The following ZNF292 variants were observed in gnomAD, a reference collection of about 807,000 sequenced individuals.
ZNF292 encodes the protein zinc finger protein 292.
A neutral mutation model predicts 217.9 loss-of-function variants in ZNF292; 26 were observed. The observed-to-expected ratio is 0.12, with a 90% CI of 0.09 to 0.17. The LOEUF is 0.17. Among genes scored for constraint, ZNF292 ranks in the 10% least tolerant of loss-of-function variants. ZNF292 has a pLI of 1.00. For synonymous variants in ZNF292, 1,257 were observed against 1,124.1 expected (o/e 1.12, Z -2.37); for missense variants, 2,904 against 3,175.2 (o/e 0.91, Z 2.05).
rs1262811467 is a variant in ZNF292, at chr6:87,261,509, C to T, written c.7880C>T (p.Ser2627Leu). 1.9e-6 allele frequency: 3 copies of T among 1,606,406 alleles called. No individual in the cohort carries two copies. The highest frequency in any genetic ancestry group is 2.2e-5 in the East Asian group (1 of 44,670). Residue 2627 changes from serine to leucine, a missense_variant, in exon 8 of 8, where the codon TCA (serine) becomes TTA (leucine). Coordinates refer to ENST00000369577, the MANE Select transcript of ZNF292 (RefSeq NM_015021.3). ...AACAAAAAAGGATCCCATTCAAATT[C>T]AAGAAAAAATATTGATAAGACTGCT... ...TGNKKGSHSN[S>L]RKNIDKTAVT...
Position 87,258,357 on chromosome 6 carries a change from A to G in ZNF292, c.4728A>G (p.Leu1576=). The change falls in exon 8 of 8, where the codon CTA becomes CTG. Residue 1576 remains leucine, a synonymous_variant. Transcript: ENST00000369577. ...CTGTTTTTCCAACGAATGACTTACT[A>G]CTGAAGACTGTTGAAAATGGTTTGT... The part of the protein sequence containing the change: ...SLPVFPTNDL[L]LKTVENGLCS... The G allele has an allele frequency of 1.2e-6, 2 of 1,613,652 alleles. No individual in the cohort carries two copies. The highest frequency in any genetic ancestry group is 2.2e-5 in the South Asian group (2 of 91,054).
chr6:87,163,729 G>A (rs1006875394), intron 1 of ZNF292, among the ~76,000 whole-genome samples: 1 of 152,122 alleles, frequency 6.6e-6, no homozygotes. Flanking sequence ...GAGCAGGAAA[G>A]GAAAACAGTA....
chr6:87,205,858 C>T (rs1772236902), intron 1 of ZNF292, among the ~76,000 whole-genome samples: 2 of 152,122 alleles, frequency 1.3e-5, no homozygotes, highest in African/African-American at 4.8e-5. Flanking sequence ...TGAGTTTATC[C>T]TGTTCTTTGT....
At chr6:87,243,447 G>A (rs760482303) in intron 5 of ZNF292, 28 bp from the exon 6 acceptor site, 2 of 1,515,360 alleles carry the variant, frequency 1.3e-6, no homozygotes, top group South Asian at 1.3e-5. Flanking sequence ...ACCATTTTGT[G>A]GCATATTTCT....
chr6:87,255,984 A>T lies in ZNF292; in HGVS notation c.2355A>T (p.Lys785Asn). Residue 785 changes from lysine to asparagine, a missense_variant, in exon 8 of 8, where the codon AAA becomes AAT. Transcript: ENST00000369577. ...QVFRAKCMFP[K>N]CGRIFSEAYL... ...TTAGAGCAAAATGTATGTTTCCTAAATGTGGAAGAATTTTTTCGGAAGCTT... is the reference window on the plus strand; with the variant it reads ...TTAGAGCAAAATGTATGTTTCCTAATTGTGGAAGAATTTTTTCGGAAGCTT... 1 of 1,609,384 alleles carries T rather than the reference A, an allele frequency of 6.2e-7. No individual in the cohort carries two copies. The highest frequency in any genetic ancestry group is 8.5e-7 in the Non-Finnish European group (1 of 1,177,350).
At chr6:87,220,278 T>C (rs1287781060) in intron 4 of ZNF292, among the ~76,000 whole-genome samples, 1 of 152,224 alleles carries the variant, frequency 6.6e-6, no homozygotes, top group African/African-American at 2.4e-5. Flanking sequence ...TTAGATGTGA[T>C]ATATTAGTAA....
intron 7 of ZNF292, chr6:87,249,518 C>CT (rs1215515096): frequency 3.6e-4 from 57 of 158,092 alleles, no homozygotes; most frequent in South Asian, 1.8e-3. Flanking sequence ...ATGTTTTTCC[C>CT]TTTTTTTTTC....
intron 1 of ZNF292, among the ~76,000 whole-genome samples, chr6:87,207,612 T>C (rs1242222145): frequency 6.6e-6 from 1 of 152,184 alleles, no homozygotes; most frequent in African/African-American, 2.4e-5. Flanking sequence ...TTTGTAACTG[T>C]TTTACTTGTG....
intron 5 of ZNF292, among the ~76,000 whole-genome samples, chr6:87,241,181 G>A (rs1774265893): frequency 6.6e-6 from 1 of 152,154 alleles, no homozygotes; most frequent in South Asian, 2.1e-4. Context: ...CTACTCAGGA[G>A]GCTAAGGCAG....
At chr6:87,165,692 C>G (rs1770888935) in intron 1 of ZNF292, among the ~76,000 whole-genome samples, 1 of 151,080 alleles carries the variant, frequency 6.6e-6, no homozygotes, top group South Asian at 2.1e-4. Context: ...GTCTTTTAGT[C>G]TAGTTGGCCC....
At chr6:87,168,484 T>TC (rs1337189082) in intron 1 of ZNF292, among the ~76,000 whole-genome samples, 1 of 152,192 alleles carries the variant, frequency 6.6e-6, no homozygotes, top group Non-Finnish European at 1.5e-5. Context: ...TCGTAATAGT[T>TC]TTTTTTGAGG....
chr6:87,172,670 C>T (rs1341756837), intron 1 of ZNF292, among the ~76,000 whole-genome samples: 1 of 152,214 alleles, frequency 6.6e-6, no homozygotes, highest in Non-Finnish European at 1.5e-5. Flanking sequence ...CTTTGGGAGG[C>T]CAAGGCAGGT....
chr6:87,250,037 C>CAA (rs75971468), intron 7 of ZNF292, among the ~76,000 whole-genome samples: 1 of 79,652 alleles, frequency 1.3e-5, no homozygotes. Flanking sequence ...AAAAAAAAAA[C>CAA]AAAAAAAAAA....
chr6:87,244,608 G>A (rs984511419), intron 6 of ZNF292, among the ~76,000 whole-genome samples: 4 of 152,192 alleles, frequency 2.6e-5, no homozygotes, highest in Non-Finnish European at 5.9e-5. Context: ...TGAGGGCAGA[G>A]TTGGGCAAAG....
At chr6:87,216,565 T>A (rs1439386218) in intron 3 of ZNF292, among the ~76,000 whole-genome samples, 188 bp downstream of exon 3, 1 of 152,002 alleles carries the variant, frequency 6.6e-6, no homozygotes, top group Non-Finnish European at 1.5e-5. Context: ...ATATATACAT[T>A]TAGATAGATT....
At chr6:87,220,623 T>C (rs562188110) in intron 4 of ZNF292, among the ~76,000 whole-genome samples, 42 of 152,330 alleles carry the variant, frequency 2.8e-4, no homozygotes, top group African/African-American at 9.9e-4. Context: ...AATTCACATA[T>C]TATGCTAAAG....
chr6:87,247,104 G>A (rs1396413090), intron 7 of ZNF292, among the ~76,000 whole-genome samples: 1 of 151,378 alleles, frequency 6.6e-6, no homozygotes, highest in Non-Finnish European at 1.5e-5. Flanking sequence ...ACAGTGAGCT[G>A]GAGGTTACAG....
At position 87,260,194 on chromosome 6, in the gene ZNF292, C is replaced by T; in HGVS notation, c.6565C>T (p.Leu2189=). Reference sequence around the variant, plus strand: ...TCGAATTTTCCAAGCAATTACTGGCCTAATACAACACTACATGAAACTTCA... The same window carrying T: ...TCGAATTTTCCAAGCAATTACTGGCTTAATACAACACTACATGAAACTTCA... ...CSRIFQAITG[L]IQHYMKLHEM... The change falls in exon 8 of 8, where the codon CTA becomes TTA. Residue 2189 remains leucine (L), a synonymous_variant. Transcript: ENST00000369577. 6.2e-7 allele frequency: 1 copy of T among 1,613,328 alleles called. No individual in the cohort carries two copies.
chr6:87,185,475 A>G (rs1562128355), intron 1 of ZNF292, among the ~76,000 whole-genome samples: 1 of 152,226 alleles, frequency 6.6e-6, no homozygotes, highest in African/African-American at 2.4e-5. Context: ...AGAATATTCT[A>G]GAACTTGAAG....
Sources: allele counts gnomAD v4.1 joint callset (sites outside exome capture counted in the v4.1 genomes callset), GRCh38; gene constraint gnomAD v4.1.1; transcripts MANE v1.5; gene names NCBI Gene and HGNC (gene_info 2026-07-23, HGNC 2026-07-21).